NOL10: variants seen among roughly 807,000 people sequenced by gnomAD.
The protein encoded by NOL10 is nucleolar protein 10.
A neutral mutation model predicts 103.5 loss-of-function variants in NOL10; 58 were observed. The ratio of observed to expected loss-of-function variants is 0.56; its 90% CI spans 0.45 to 0.70. The LOEUF is 0.70. NOL10 is among the 30% of genes least tolerant of loss of function. The pLI, the probability that NOL10 is intolerant of heterozygous loss-of-function variation, is 0.00. For synonymous variants in NOL10, 287 were observed against 282.5 expected (o/e 1.02, Z -0.16); for missense variants, 763 against 807.3 (o/e 0.95, Z 0.67).
intron 13 of NOL10, chr2:10,622,260 G>A (rs564191706): frequency 7.3e-5 from 33 of 450,064 alleles, no homozygotes; most frequent in South Asian, 1.1e-4. Context: ...CTTGATTTAC[G>A]TGCTGACCAA....
chr2:10,682,938 C>A (rs1265302204), intron 2 of NOL10, among the ~76,000 whole-genome samples: 1 of 152,008 alleles, frequency 6.6e-6, no homozygotes, highest in Non-Finnish European at 1.5e-5. Context: ...GCACGCACCA[C>A]CATGCCTGGC....
chr2:10,645,776 G>A (rs373585482), intron 12 of NOL10, among the ~76,000 whole-genome samples: 5 of 151,968 alleles, frequency 3.3e-5, no homozygotes, highest in East Asian at 3.9e-4. Context: ...TGATCCGCCC[G>A]CCTCGGCCTC....
intron 9 of NOL10, among the ~76,000 whole-genome samples, chr2:10,659,942 G>C (rs1680084931): frequency 6.6e-6 from 1 of 152,112 alleles, no homozygotes; most frequent in Non-Finnish European, 1.5e-5. Flanking sequence ...GCCTCTGAAA[G>C]TACCAAAGAC....
At chr2:10,621,535 A>T (rs190256795) in intron 13 of NOL10, among the ~76,000 whole-genome samples, 334 of 152,322 alleles carry the variant, frequency 2.2e-3, no homozygotes, top group African/African-American at 7.6e-3. Flanking sequence ...TCAAGGCTGC[A>T]GTGAGCTGTG....
chr2:10,587,423 G>A (rs902335433), intron 19 of NOL10, among the ~76,000 whole-genome samples: 6 of 149,502 alleles, frequency 4.0e-5, no homozygotes, highest in Non-Finnish European at 5.9e-5. Context: ...GGCACGTGCC[G>A]CCACACCCAG....
intron 7 of NOL10, 57 bp downstream of exon 7, chr2:10,668,601 C>T: frequency 1.2e-6 from 1 of 845,474 alleles, no homozygotes; most frequent in Non-Finnish European, 1.9e-6. Context: ...ACAAACTGAG[C>T]ATCTGGCTCC....
intron 13 of NOL10, among the ~76,000 whole-genome samples, chr2:10,639,873 G>A (rs1678581433): frequency 6.6e-6 from 1 of 152,078 alleles, no homozygotes; most frequent in East Asian, 1.9e-4. Flanking sequence ...AATAAGGAAA[G>A]AACTGAGAAA....
At chr2:10,675,072 T>TCA (rs1468207864) in intron 4 of NOL10, among the ~76,000 whole-genome samples, 1 of 151,988 alleles carries the variant, frequency 6.6e-6, no homozygotes. Context: ...GCATGGTGGT[T>TCA]CACATCTGTA....
chr2:10,605,012 G>A (rs879494517), intron 14 of NOL10, among the ~76,000 whole-genome samples: 13 of 152,186 alleles, frequency 8.5e-5, no homozygotes, highest in Non-Finnish European at 1.9e-4. Flanking sequence ...ATAAAAGGGT[G>A]CTGAATATTT....
rs1025518371 is a variant in NOL10, at chr2:10,689,877, T to C, written c.-16A>G. ...AGACCTGCATGGCGCCGCACAACAC[T>C]GTTCAAGTCCCGGGTCCTTTCCCAC... is the stretch of plus-strand genomic sequence containing the variant. On this transcript the variant is annotated 5_prime_UTR_variant, in exon 1 of 21. Coordinates refer to ENST00000381685, the MANE Select transcript of NOL10 (RefSeq NM_024894.4). 7 of 1,599,558 alleles carry C rather than the reference T, an allele frequency of 4.4e-6. No homozygotes were observed. The highest frequency in any genetic ancestry group is 2.3e-5 in the East Asian group (1 of 44,176).
intron 12 of NOL10, among the ~76,000 whole-genome samples, chr2:10,647,165 T>A (rs755315976): frequency 7.0e-6 from 1 of 142,686 alleles, no homozygotes; most frequent in Non-Finnish European, 1.5e-5. Context: ...ATTTCCAATA[T>A]GACCCAGTAC....
chr2:10,627,219 A>T (rs1005789398), intron 13 of NOL10, among the ~76,000 whole-genome samples: 2 of 152,222 alleles, frequency 1.3e-5, no homozygotes, highest in Non-Finnish European at 2.9e-5. Flanking sequence ...TAACTGAAAA[A>T]TCACAAAACA....
At chr2:10,619,529 T>A (rs961861467) in intron 13 of NOL10, among the ~76,000 whole-genome samples, 15 of 152,184 alleles carry the variant, frequency 9.9e-5, no homozygotes, top group African/African-American at 3.4e-4. Flanking sequence ...CTGTTAAAGT[T>A]CTCTTTTAAA....
chr2:10,688,263 T>C (rs1184424548), intron 1 of NOL10, among the ~76,000 whole-genome samples: 7 of 152,180 alleles, frequency 4.6e-5, no homozygotes, highest in Non-Finnish European at 5.9e-5. Flanking sequence ...GCTAGACATT[T>C]GTCGCACAGC....
At chr2:10,620,979 A>G (rs568759826) in intron 13 of NOL10, among the ~76,000 whole-genome samples, 4 of 152,296 alleles carry the variant, frequency 2.6e-5, no homozygotes, top group African/African-American at 9.6e-5. Flanking sequence ...GTATTTTAAT[A>G]GAGACGGTTT....
chr2:10,649,602 G>T (rs1679331374), intron 12 of NOL10, among the ~76,000 whole-genome samples: 1 of 152,128 alleles, frequency 6.6e-6, no homozygotes, highest in Non-Finnish European at 1.5e-5. Flanking sequence ...CTACAGGCAT[G>T]AGACACTGCG....
intron 19 of NOL10, among the ~76,000 whole-genome samples, chr2:10,587,130 CATATAT>C (rs1217769428): frequency 3.1e-5 from 1 of 31,768 alleles, no homozygotes; most frequent in African/African-American, 2.0e-4. Context: ...CATATATATA[CATATAT>C]ACACATATAT....
Position 10,613,849 on chromosome 2 carries a change from T to C in NOL10, c.1027-6538A>G, listed in dbSNP as rs1676696893. Among the ~76,000 whole-genome samples, 3 of 152,036 alleles carry C rather than the reference T, an allele frequency of 2.0e-5. 1 individual carries two copies. Among genetic ancestry groups the C allele is most frequent in the African/African-American group, 7.2e-5 (3 of 41,398 alleles). ...GTTTTCAGGACACTCTAAAAATAGA[T>C]ATAAATATCAGTTCTGGAACTGGAA... is the stretch of plus-strand genomic sequence containing the variant. On this transcript the variant is annotated intron_variant, in intron 13 of 20. Coordinates refer to ENST00000381685, the MANE Select transcript of NOL10 (RefSeq NM_024894.4).
chr2:10,600,969 T>G lies in NOL10; in HGVS notation c.1333-27A>C, dbSNP rs746736024. The stretch of plus-strand genomic sequence containing the variant: ...TAGAGAGAAAATAAAAGCTGGTATT[T>G]TATTTTATTTTAAAAGCTAACATAT... On this transcript the variant is annotated intron_variant, in intron 16 of 20. Coordinates refer to ENST00000381685, the MANE Select transcript of NOL10 (RefSeq NM_024894.4). 25 of 1,353,964 alleles carry G rather than the reference T, an allele frequency of 1.8e-5. No individual in the cohort carries two copies. In the African/African-American group the frequency reaches 3.5e-4, roughly 19 times the overall value. 83.9% of individuals were successfully genotyped at this position (1,353,964 alleles called of 1,614,324 possible). A position where few individuals can be genotyped will look rare whatever the true frequency, so the allele number is the denominator to read the frequency against.
Sources: allele counts gnomAD v4.1 joint callset (sites outside exome capture counted in the v4.1 genomes callset), GRCh38; gene constraint gnomAD v4.1.1; transcripts MANE v1.5; gene names NCBI Gene and HGNC (gene_info 2026-07-23, HGNC 2026-07-21).